MYH10: variants seen among roughly 807,000 people sequenced by gnomAD.
MYH10 encodes myosin heavy chain 10, also known as myosin-10.
In MYH10, 55 loss-of-function variants were observed where a neutral mutation model predicts 257.8. The observed-to-expected ratio is 0.21, with a 90% CI of 0.17 to 0.27. The LOEUF (loss-of-function observed/expected upper bound fraction) is 0.27, where lower values mean the gene tolerates loss of function less well. Ranked by LOEUF, MYH10 falls within the 10% of genes least tolerant of loss-of-function variation. The pLI is 1.00. For missense variants in MYH10, 1,631 were observed against 2,500.6 expected (o/e 0.65, Z 7.42); for synonymous variants, 854 against 921.7 (o/e 0.93, Z 1.33).
At chr17:8,586,626 G>C (rs1208162322) in intron 4 of MYH10, among the ~76,000 whole-genome samples, 2 of 152,212 alleles carry the variant, frequency 1.3e-5, no homozygotes, top group Non-Finnish European at 2.9e-5. Flanking sequence ...GGTGCTAGAA[G>C]ACTTACCTCA....
chr17:8,608,872 A>G (rs1274284126), intron 2 of MYH10, among the ~76,000 whole-genome samples: 5 of 148,612 alleles, frequency 3.4e-5, no homozygotes, highest in Admixed American at 6.8e-5. Context: ...GTGCAGTGGC[A>G]CGATCTCGGC....
intron 14 of MYH10, among the ~76,000 whole-genome samples, chr17:8,538,255 G>A (rs993189971): frequency 6.6e-6 from 1 of 152,174 alleles, no homozygotes; most frequent in Non-Finnish European, 1.5e-5. Context: ...CCCCAGGCTG[G>A]AGTGTGGTCA....
chr17:8,479,566 C>T (rs1324904722), intron 40 of MYH10, among the ~76,000 whole-genome samples: 1 of 152,168 alleles, frequency 6.6e-6, no homozygotes, highest in East Asian at 1.9e-4. Context: ...CCCTGCATTT[C>T]TGGGCTCCAA....
At position 8,504,973 on chromosome 17, in the gene MYH10, G is replaced by GC. The variant is rs2081027624; in HGVS notation, c.3387-68dup. On this transcript the variant is annotated intron_variant, in intron 27 of 42. Transcript: ENST00000360416. This position sits in a 1 kb window ranked among gnomAD's most constrained non-coding sequence, Gnocchi z 5.6. Reference sequence around the variant, plus strand: ...CCCGGATGGCCTGTTTCTCAGGCGAGCCCCAGCCCCTGAGCACCTCTCCAC... The same window carrying GC: ...CCCGGATGGCCTGTTTCTCAGGCGAGCCCCCAGCCCCTGAGCACCTCTCCAC... 7.3e-7 allele frequency: 1 copy of GC among 1,365,230 alleles called. No individual in the cohort carries two copies. The highest frequency in any genetic ancestry group is 1.0e-6 in the Non-Finnish European group (1 of 963,216). 84.6% of individuals were successfully genotyped at this position (1,365,230 alleles called of 1,614,324 possible).
intron 3 of MYH10, among the ~76,000 whole-genome samples, chr17:8,596,206 G>A (rs144876368): frequency 0.012 from 1,819 of 148,948 alleles, 109 homozygotes; most frequent in Admixed American, 0.11. Context: ...AAGCTGGAGT[G>A]CAGTGGCGCG....
intron 16 of MYH10, among the ~76,000 whole-genome samples, chr17:8,533,814 T>C (rs530886206): frequency 6.6e-6 from 1 of 152,326 alleles, no homozygotes; most frequent in East Asian, 1.9e-4. Context: ...TGCTGTGTTC[T>C]AAGACCTTAC....
intron 30 of MYH10, 32 bp downstream of exon 30, chr17:8,499,238 G>A: frequency 6.3e-7 from 1 of 1,596,200 alleles, no homozygotes; most frequent in Non-Finnish European, 8.6e-7. Flanking sequence ...TGCTACAGTG[G>A]GACGTGTGTA....
chr17:8,545,872 G>C lies in MYH10; in HGVS notation c.1279-272C>G, dbSNP rs1316159336. ...GGTCCTGGGTAGCACTGTCCGCCTG[G>C]ATTCAGCTCAGTTAAGCTGGTACTT... is the stretch of plus-strand genomic sequence containing the variant. On this transcript the variant is annotated intron_variant, in intron 12 of 42. Transcript: ENST00000360416. The surrounding 1 kb of genome is among the most constrained non-coding windows in gnomAD (Gnocchi z 4.7). 6.6e-6 allele frequency among the ~76,000 whole-genome samples: 1 copy of C among 152,028 alleles called. No individual in the cohort carries two copies. The highest frequency in any genetic ancestry group is 1.5e-5 in the Non-Finnish European group (1 of 68,014).
chr17:8,579,049 G>A (rs753416380), intron 4 of MYH10, among the ~76,000 whole-genome samples: 7 of 152,054 alleles, frequency 4.6e-5, no homozygotes, highest in African/African-American at 7.2e-5. Flanking sequence ...TGCCAAGGCC[G>A]GAGAATCGCT....
intron 7 of MYH10, among the ~76,000 whole-genome samples, chr17:8,558,580 T>C (rs955217643): frequency 3.3e-5 from 5 of 152,350 alleles, no homozygotes; most frequent in African/African-American, 9.6e-5. Flanking sequence ...AACTTCTAAG[T>C]TGTAACATCT....
chr17:8,570,425 T>C (rs2083297002), intron 6 of MYH10, among the ~76,000 whole-genome samples: 1 of 152,186 alleles, frequency 6.6e-6, no homozygotes, highest in South Asian at 2.1e-4. Flanking sequence ...TCTTTACTTA[T>C]ATGTAAATTA....
chr17:8,506,896 T>C lies in MYH10; in HGVS notation c.3215-407A>G, dbSNP rs1283092228. The stretch of plus-strand genomic sequence containing the variant: ...ATTCCCTTTTCCATGGGAACCCCTG[T>C]TCTGAACCAAGAAAACTGCCATCCT... On this transcript the variant is annotated intron_variant, in intron 26 of 42. Transcript: ENST00000360416. The surrounding 1 kb of genome is among the most constrained non-coding windows in gnomAD (Gnocchi z 5.0). Among the ~76,000 whole-genome samples the C allele has an allele frequency of 6.6e-6, 1 of 152,202 alleles. No individual in the cohort carries two copies. Among genetic ancestry groups the C allele is most frequent in the Non-Finnish European group, 1.5e-5 (1 of 68,030 alleles).
chr17:8,597,206 T>G lies in MYH10; in HGVS notation c.502+7620A>C, dbSNP rs2084406679. 2.0e-5 allele frequency among the ~76,000 whole-genome samples: 3 copies of G among 152,188 alleles called. No individual in the cohort carries two copies. In the South Asian group the frequency reaches 6.2e-4, roughly 32 times the overall value. On this transcript the variant is annotated intron_variant, in intron 3 of 42. Coordinates refer to ENST00000360416, the MANE Select transcript of MYH10 (RefSeq NM_001256012.3). Reference sequence around the variant, plus strand: ...ATAATTAAAATGTTGAATGTTAAAATGTAAAATGTTGATTGAACTTCTATC... The same window carrying G: ...ATAATTAAAATGTTGAATGTTAAAAGGTAAAATGTTGATTGAACTTCTATC...
chr17:8,506,236 T>A lies in MYH10; in HGVS notation c.3386+82A>T. ...AACCCCATCTCACTCTCCCAGGGTT[T>A]TTGAATGCTCCCGAACATAACAAAG... On this transcript the variant is annotated intron_variant, in intron 27 of 42. Transcript: ENST00000360416. This position sits in a 1 kb window ranked among gnomAD's most constrained non-coding sequence, Gnocchi z 5.0. The A allele has an allele frequency of 2.8e-6, 4 of 1,415,628 alleles. No homozygotes were observed. The highest frequency in any genetic ancestry group is 3.7e-6 in the Non-Finnish European group (4 of 1,072,874). The allele number at this position is 1,415,628 out of a possible 1,614,324, so 87.7% of individuals were successfully genotyped here. A position where few individuals can be genotyped will look rare whatever the true frequency, so the allele number is the denominator to read the frequency against.
Position 8,478,435 on chromosome 17 carries a change from G to A in MYH10, c.5609C>T (p.Ala1870Val). 6.2e-7 allele frequency: 1 copy of A among 1,614,208 alleles called. No homozygotes were observed. Among genetic ancestry groups the A allele is most frequent in the Non-Finnish European group, 8.5e-7 (1 of 1,180,026 alleles). The change falls in exon 41 of 43, where the codon GCC becomes GTC. Residue 1870 changes from alanine to valine, a missense_variant. Around this residue, in one of 11 missense-constraint regions of MYH10, gnomAD observed 343 missense variants for 389.5 expected, o/e 0.88. Coordinates refer to ENST00000360416, the MANE Select transcript of MYH10 (RefSeq NM_001256012.3). ...QLEQEAKERA[A>V]ANKLVRRTEK... is the part of the protein sequence containing the mutation. ...AGTGCGACGGACTAATTTGTTGGCG[G>A]CTGCTCGTTCCCTGTGAAAGTGGTC...
At chr17:8,551,571 C>T (rs545508266) in intron 9 of MYH10, among the ~76,000 whole-genome samples, 5 of 152,296 alleles carry the variant, frequency 3.3e-5, no homozygotes, top group African/African-American at 1.2e-4. Context: ...CTCCTTTGTA[C>T]CTGCCCAACT....
chr17:8,561,425 A>G (rs1049572371), intron 7 of MYH10: 2 of 1,079,604 alleles, frequency 1.9e-6, no homozygotes. Flanking sequence ...GTGCTTCCCA[A>G]GCTGTGTGTG....
At chr17:8,622,264 T>TCCTCTCTACATTATC (rs756561293) in intron 2 of MYH10, among the ~76,000 whole-genome samples, 3 of 152,202 alleles carry the variant, frequency 2.0e-5, no homozygotes, top group Non-Finnish European at 4.4e-5. Flanking sequence ...CTTACATTTT[T>TCCTCTCTACATTATC]CCTCTCTACA....
intron 14 of MYH10, among the ~76,000 whole-genome samples, chr17:8,538,065 T>A (rs771370264): frequency 2.6e-5 from 4 of 152,226 alleles, no homozygotes; most frequent in Non-Finnish European, 5.9e-5. Flanking sequence ...GCATTTTCCT[T>A]CTAGAAAGTA....
Sources: allele counts gnomAD v4.1 joint callset (sites outside exome capture counted in the v4.1 genomes callset), GRCh38; gene constraint gnomAD v4.1.1; regional missense constraint gnomAD v4.1.1; non-coding constraint Gnocchi (gnomAD v3.1); transcripts MANE v1.5; gene names NCBI Gene and HGNC (gene_info 2026-07-23, HGNC 2026-07-21).